The following ABLIM2 variants were observed in gnomAD, a reference collection of about 807,000 sequenced individuals.
The protein encoded by ABLIM2 is actin-binding LIM protein 2.
ABLIM2 carries 53 observed loss-of-function variants against 97.7 expected under a neutral mutation model. That is an observed-to-expected ratio of 0.54 (90% CI 0.44 to 0.68). ABLIM2 has a LOEUF of 0.68. Ranked by LOEUF, ABLIM2 falls within the 30% of genes least tolerant of loss-of-function variation. The pLI is 0.00. For synonymous variants in ABLIM2, 361 were observed against 345.8 expected (o/e 1.04, Z -0.49); for missense variants, 835 against 867.2 (o/e 0.96, Z 0.47).
chr4:8,091,437 A>AATAATTATATATAATATATAATTATAT (rs1827876449), intron 3 of ABLIM2, among the ~76,000 whole-genome samples: 1 of 37,308 alleles, frequency 2.7e-5, no homozygotes, highest in African/African-American at 9.3e-5. Context: ...ATATATAATT[A>AATAATTATATATAATATATAATTATAT]ATTATGTATT....
In ABLIM2 at chr4:8,019,533, C is replaced by T. The variant is rs923125594; in HGVS notation, c.1423+85G>A. On this transcript the variant is annotated intron_variant, in intron 14 of 20. Coordinates refer to ENST00000447017, the MANE Select transcript of ABLIM2 (RefSeq NM_001130083.2). This position sits in a 1 kb window ranked among gnomAD's most constrained non-coding sequence, Gnocchi z 4.3. ...GGTGCCTTCACTGCATTTATCAGAA[C>T]ACAACAAAAGGATGCATTCAGAAGC... is the stretch of plus-strand genomic sequence containing the variant. 4.4e-6 allele frequency: 6 copies of T among 1,368,264 alleles called. No homozygotes were observed. Among genetic ancestry groups the T allele is most frequent in the Non-Finnish European group, 6.1e-6 (6 of 985,284 alleles). The allele number at this position is 1,368,264 out of a possible 1,614,324, so 84.8% of individuals were successfully genotyped here.
At position 8,058,037 on chromosome 4, in the gene ABLIM2, C is replaced by T. The variant is rs1800468757; in HGVS notation, c.763+2930G>A. Among the ~76,000 whole-genome samples, 1 of 152,250 alleles carries T rather than the reference C, an allele frequency of 6.6e-6. No individual in the cohort carries two copies. The highest frequency in any genetic ancestry group is 1.5e-5 in the Non-Finnish European group (1 of 68,046). On this transcript the variant is annotated intron_variant, in intron 7 of 20. Coordinates refer to ENST00000447017, the MANE Select transcript of ABLIM2 (RefSeq NM_001130083.2). This position sits in a 1 kb window ranked among gnomAD's most constrained non-coding sequence, Gnocchi z 4.2. Reference sequence around the variant, plus strand: ...GGCCTGGGTTCGACATCCCACAGAACCTCACAGCAGAAGCGGGGGCTGGCC... The same window carrying T: ...GGCCTGGGTTCGACATCCCACAGAATCTCACAGCAGAAGCGGGGGCTGGCC...
At chr4:7,994,356 TTTTGTTCTTGCGATAG>T (rs1751563428) in intron 16 of ABLIM2, among the ~76,000 whole-genome samples, 1 of 25,892 alleles carries the variant, frequency 3.9e-5, no homozygotes, top group Non-Finnish European at 1.1e-4. Context: ...GTGTTTGGTT[TTTTGTTCTTGCGATAG>T]TTTACTGAGA....
At chr4:7,985,996 T>C (rs1743654673) in intron 17 of ABLIM2, among the ~76,000 whole-genome samples, 1 of 152,214 alleles carries the variant, frequency 6.6e-6, no homozygotes, top group Admixed American at 6.5e-5. Context: ...CTATGAGCCC[T>C]GAGCCATGCT....
rs1337156681 is a variant in ABLIM2, at chr4:8,125,620, C to T, written c.11-18983G>A. ...GTGCCGGGGCTGCTTCTGGGATGGT[C>T]GTGGTTGGCTCTGCCATCAGTGTGA... On this transcript the variant is annotated intron_variant, in intron 1 of 20. Transcript: ENST00000447017. This position sits in a 1 kb window ranked among gnomAD's most constrained non-coding sequence, Gnocchi z 6.2. 1.3e-5 allele frequency among the ~76,000 whole-genome samples: 2 copies of T among 152,114 alleles called. No homozygotes were observed. Among genetic ancestry groups the T allele is most frequent in the African/African-American group, 4.8e-5 (2 of 41,408 alleles).
intron 1 of ABLIM2, among the ~76,000 whole-genome samples, chr4:8,136,557 C>T (rs1240306059): frequency 6.6e-6 from 1 of 152,238 alleles, no homozygotes; most frequent in African/African-American, 2.4e-5. Context: ...GTGGGGGCCT[C>T]GCCTTCTGCA....
At chr4:8,154,281 C>CT (rs34112937) in intron 1 of ABLIM2, among the ~76,000 whole-genome samples, 2,382 of 114,460 alleles carry the variant, frequency 0.021, 95 homozygotes, top group African/African-American at 0.071. Flanking sequence ...CTTTTCTTTT[C>CT]TTTTTTTTTT....
intron 5 of ABLIM2, 79 bp downstream of exon 5, chr4:8,080,597 G>A: frequency 7.1e-7 from 1 of 1,413,646 alleles, no homozygotes. Flanking sequence ...TGGCGCTGGG[G>A]ACACGTGCAG....
At chr4:8,078,917 G>A (rs1026851248) in intron 5 of ABLIM2, among the ~76,000 whole-genome samples, 2 of 152,342 alleles carry the variant, frequency 1.3e-5, no homozygotes, top group African/African-American at 2.4e-5. Context: ...TTCCAGCATC[G>A]CTGAAGTTGC....
chr4:8,096,090 C>T (rs1419789260), intron 3 of ABLIM2, among the ~76,000 whole-genome samples: 1 of 152,142 alleles, frequency 6.6e-6, no homozygotes, highest in African/African-American at 2.4e-5. Flanking sequence ...CCCCTTGGGT[C>T]TCTCCCCCAA....
chr4:8,158,573 G>C (rs928047666), intron 1 of ABLIM2, 107 bp downstream of exon 1: 27 of 1,359,386 alleles, frequency 2.0e-5, no homozygotes, highest in Non-Finnish European at 2.6e-5. Context: ...GGAGCCGCTG[G>C]GTGATTTTCC....
chr4:8,121,798 TG>T (rs1040596566), intron 1 of ABLIM2, among the ~76,000 whole-genome samples: 21 of 152,108 alleles, frequency 1.4e-4, no homozygotes, highest in Admixed American at 6.6e-5. Context: ...GTCCAGTGGA[TG>T]GGGGGGTGAT....
Position 8,036,272 on chromosome 4 carries a change from C to T in ABLIM2, c.924G>A (p.Leu308=). 6.2e-7 allele frequency: 1 copy of T among 1,613,826 alleles called. No individual in the cohort carries two copies. ...GAAGGGCTGCCAAGTCCCTGTAGTC[C>T]AGGATCTCACCACCAAGCTTGGCCT... is the stretch of plus-strand genomic sequence containing the variant. ...VIYAKLGGEI[L]DYRDLAALPK... The change falls in exon 10 of 21, where the codon CTG becomes CTA. Residue 308 remains leucine, a synonymous_variant. Coordinates refer to ENST00000447017, the MANE Select transcript of ABLIM2 (RefSeq NM_001130083.2).
At chr4:8,093,733 A>G (rs1830050343) in intron 3 of ABLIM2, among the ~76,000 whole-genome samples, 1 of 152,158 alleles carries the variant, frequency 6.6e-6, no homozygotes, top group East Asian at 1.9e-4. Flanking sequence ...GGAGTCATAC[A>G]TTTGTTCCTC....
At chr4:8,102,786 G>A (rs949193527) in intron 2 of ABLIM2, among the ~76,000 whole-genome samples, 5 of 152,224 alleles carry the variant, frequency 3.3e-5, no homozygotes, top group Admixed American at 1.3e-4. Flanking sequence ...ATCCTGCTTT[G>A]GCTCAACTGG....
chr4:8,081,885 T>C (rs973021515), intron 4 of ABLIM2, among the ~76,000 whole-genome samples: 18 of 152,172 alleles, frequency 1.2e-4, no homozygotes, highest in African/African-American at 4.3e-4. Flanking sequence ...ATCACACACG[T>C]CCTCACTCCA....
At chr4:8,143,697 A>T (rs1851365405) in intron 1 of ABLIM2, among the ~76,000 whole-genome samples, 1 of 152,098 alleles carries the variant, frequency 6.6e-6, no homozygotes, top group Admixed American at 6.5e-5. Flanking sequence ...CGCTTACTGC[A>T]TGCCTTCTTT....
At chr4:7,976,198 C>T (rs2149490640) in intron 20 of ABLIM2, among the ~76,000 whole-genome samples, 1 of 152,336 alleles carries the variant, frequency 6.6e-6, no homozygotes, top group Admixed American at 6.5e-5. Context: ...GAGCATCTGG[C>T]TGGGTGTCAC....
Position 8,058,670 on chromosome 4 carries a change from C to T in ABLIM2, c.763+2297G>A, listed in dbSNP as rs1322408629. ...CCCACCAGTGCTCGCTGGGACCAGA[C>T]CCTTGGGTCAGGCTCCTCTGAACCC... is the stretch of plus-strand genomic sequence containing the variant. On this transcript the variant is annotated intron_variant, in intron 7 of 20. Coordinates refer to ENST00000447017, the MANE Select transcript of ABLIM2 (RefSeq NM_001130083.2). This position sits in a 1 kb window ranked among gnomAD's most constrained non-coding sequence, Gnocchi z 4.2. Among the ~76,000 whole-genome samples the T allele has an allele frequency of 6.6e-6, 1 of 152,176 alleles. No homozygotes were observed. Among genetic ancestry groups the T allele is most frequent in the Non-Finnish European group, 1.5e-5 (1 of 68,038 alleles).
Sources: allele counts gnomAD v4.1 joint callset (sites outside exome capture counted in the v4.1 genomes callset), GRCh38; gene constraint gnomAD v4.1.1; non-coding constraint Gnocchi (gnomAD v3.1); transcripts MANE v1.5; gene names NCBI Gene and HGNC (gene_info 2026-07-23, HGNC 2026-07-21).